Variants in SPAG16 observed in about 807,000 individuals in gnomAD.
The protein encoded by SPAG16 is sperm-associated antigen 16 protein.
SPAG16 carries 86 observed loss-of-function variants against 80.4 expected under a neutral mutation model. The observed-to-expected ratio is 1.07, with a 90% CI of 0.90 to 1.28. SPAG16 has a LOEUF of 1.28. Ranked by LOEUF, SPAG16 falls within the 50% of genes most tolerant of loss-of-function variation. The pLI is 0.00. For synonymous variants in SPAG16, 294 were observed against 265.9 expected (o/e 1.11, Z -1.03); for missense variants, 870 against 765.3 (o/e 1.14, Z -1.61).
At chr2:213,722,560 C>T (rs948911733) in intron 10 of SPAG16, among the ~76,000 whole-genome samples, 11 of 152,110 alleles carry the variant, frequency 7.2e-5, no homozygotes, top group Admixed American at 1.3e-4. Context: ...TCAAACTATA[C>T]GGCCTTCAGA....
intron 10 of SPAG16, among the ~76,000 whole-genome samples, chr2:213,560,833 T>C (rs62192354): frequency 2.0e-4 from 31 of 152,246 alleles, no homozygotes; most frequent in Non-Finnish European, 4.1e-4. Flanking sequence ...ATCTTTCAAC[T>C]ACACACAATG....
intron 10 of SPAG16, among the ~76,000 whole-genome samples, chr2:213,512,104 T>C (rs1203521215): frequency 2.0e-5 from 3 of 152,134 alleles, no homozygotes; most frequent in Non-Finnish European, 4.4e-5. Flanking sequence ...ATAACAGTCA[T>C]ACTTACAGTA....
chr2:213,530,637 A>G (rs1471178796), intron 10 of SPAG16, among the ~76,000 whole-genome samples: 1 of 152,110 alleles, frequency 6.6e-6, no homozygotes, highest in Admixed American at 6.6e-5. Context: ...TTCTTCCCAA[A>G]TCTAAATAAT....
intron 11 of SPAG16, among the ~76,000 whole-genome samples, chr2:213,865,389 C>T (rs1208000730): frequency 6.6e-6 from 1 of 151,758 alleles, no homozygotes; most frequent in African/African-American, 2.4e-5. Flanking sequence ...CAAAGAGGAA[C>T]TATAAACTTT....
chr2:213,350,969 CA>C (rs11320402), intron 7 of SPAG16, among the ~76,000 whole-genome samples: 132,595 of 140,998 alleles, frequency 0.94, 62,464 homozygotes, highest in East Asian at 0.98. Flanking sequence ...ACTAAAAATA[CA>C]AAAAAAAAAA....
chr2:213,994,288 T>A (rs2046414479), intron 12 of SPAG16, among the ~76,000 whole-genome samples: 1 of 152,108 alleles, frequency 6.6e-6, no homozygotes, highest in Non-Finnish European at 1.5e-5. Context: ...GAGGGACACA[T>A]GCCAGGTGAC....
chr2:213,494,853 C>A (rs1010909296), intron 10 of SPAG16, among the ~76,000 whole-genome samples: 8 of 152,190 alleles, frequency 5.3e-5, no homozygotes, highest in South Asian at 4.1e-4. Flanking sequence ...CACTATTCTG[C>A]AAACATGCCA....
chr2:213,309,701 A>G (rs2063103453), intron 3 of SPAG16, among the ~76,000 whole-genome samples: 1 of 152,006 alleles, frequency 6.6e-6, no homozygotes. Context: ...TCACCACCCT[A>G]AATACGTAGC....
At chr2:214,169,934 C>T (rs571328407) in intron 15 of SPAG16, among the ~76,000 whole-genome samples, 1 of 152,142 alleles carries the variant, frequency 6.6e-6, no homozygotes, top group East Asian at 1.9e-4. Context: ...CCTGCCCACT[C>T]AGTAGGACTT....
At chr2:213,709,677 A>G (rs2125354914) in intron 10 of SPAG16, among the ~76,000 whole-genome samples, 1 of 152,252 alleles carries the variant, frequency 6.6e-6, no homozygotes, top group East Asian at 1.9e-4. Context: ...ACTAACCAAT[A>G]AAGAAAAGTT....
chr2:213,914,787 T>C (rs904770329), intron 11 of SPAG16, among the ~76,000 whole-genome samples: 1 of 152,210 alleles, frequency 6.6e-6, no homozygotes, highest in Admixed American at 6.5e-5. Flanking sequence ...TATGTCTTCT[T>C]TTGGAAAGAG....
At chr2:213,867,923 C>CTA (rs2075762058) in intron 11 of SPAG16, among the ~76,000 whole-genome samples, 1 of 55,368 alleles carries the variant, frequency 1.8e-5, no homozygotes, top group African/African-American at 8.0e-5. Context: ...GACTCTGTCT[C>CTA]AACAAAAAAA....
At chr2:213,531,359 AGT>A (rs56011234) in intron 10 of SPAG16, among the ~76,000 whole-genome samples, 3,586 of 142,076 alleles carry the variant, frequency 0.025, 89 homozygotes, top group African/African-American at 0.069. Flanking sequence ...AAAAGATGTG[AGT>A]GTGTGTGTGT....
intron 15 of SPAG16, among the ~76,000 whole-genome samples, chr2:214,306,367 T>G (rs1263595495): frequency 6.6e-6 from 1 of 152,222 alleles, no homozygotes; most frequent in African/African-American, 2.4e-5. Flanking sequence ...ATGCCTTTAT[T>G]TCTTTCTCTT....
intron 15 of SPAG16, among the ~76,000 whole-genome samples, chr2:214,306,044 G>T (rs966464248): frequency 5.9e-5 from 9 of 151,954 alleles, no homozygotes; most frequent in African/African-American, 2.2e-4. Flanking sequence ...TGTCATCTCT[G>T]ATTTCTTAGA....
chr2:213,797,658 A>G (rs189080405), intron 10 of SPAG16, among the ~76,000 whole-genome samples: 1 of 152,240 alleles, frequency 6.6e-6, no homozygotes, highest in Non-Finnish European at 1.5e-5. Context: ...CACGTTTCTC[A>G]GATCATATTC....
At chr2:213,484,704 A>G (rs2073901017) in intron 9 of SPAG16, among the ~76,000 whole-genome samples, 1 of 152,176 alleles carries the variant, frequency 6.6e-6, no homozygotes, top group South Asian at 2.1e-4. Flanking sequence ...ATTAATTATC[A>G]TTTCCCAATA....
At chr2:213,955,123 A>C (rs2044054671) in intron 12 of SPAG16, among the ~76,000 whole-genome samples, 1 of 152,038 alleles carries the variant, frequency 6.6e-6, no homozygotes, top group South Asian at 2.1e-4. Flanking sequence ...TTTTTATGGT[A>C]TATTTTGCAG....
chr2:214,362,138 T>A (rs902897599), intron 15 of SPAG16, among the ~76,000 whole-genome samples: 4 of 152,038 alleles, frequency 2.6e-5, no homozygotes, highest in African/African-American at 9.6e-5. Flanking sequence ...GTTCATGTCA[T>A]CTTCAGCACT....
Sources: gnomAD v4.1 joint callset for allele counts (sites outside exome capture counted in the v4.1 genomes callset) on GRCh38, gnomAD v4.1.1 for gene constraint, MANE v1.5 for transcripts, NCBI Gene and HGNC (gene_info 2026-07-23, HGNC 2026-07-21) for gene names.